Variants in ZMAT1 observed in about 807,000 individuals in gnomAD.
ZMAT1 encodes the protein zinc finger matrin-type protein 1.
A neutral mutation model predicts 18.5 loss-of-function variants in ZMAT1; 11 were observed. That is an observed-to-expected ratio of 0.59 (90% CI 0.37 to 0.98). The LOEUF (loss-of-function observed/expected upper bound fraction) is 0.98, where lower values mean the gene tolerates loss of function less well. Among genes scored for constraint, ZMAT1 ranks in the 50% least tolerant of loss-of-function variants. ZMAT1 has a pLI of 0.01. For synonymous variants in ZMAT1, 211 were observed against 176.4 expected (o/e 1.20, Z -1.55); for missense variants, 525 against 496.2 (o/e 1.06, Z -0.55).
Position 101,931,959 on chromosome X carries a change from G to C in ZMAT1, c.50C>G (p.Pro17Arg). Residue 17 changes from proline to arginine, a missense_variant, in exon 1 of 6, where the codon CCT (proline) becomes CGT (arginine). Transcript: ENST00000651725. ...GGCGGCAGAGACGGTAGCTTCCTGAGGGGAAGACTCCGCCGCCAGCGGGGT... is the reference window on the plus strand; with the variant it reads ...GGCGGCAGAGACGGTAGCTTCCTGACGGGAAGACTCCGCCGCCAGCGGGGT... ...TVTPLAAESS[P>R]QEATVSAASS... is the part of the protein sequence containing the mutation. The C allele has an allele frequency of 5.2e-6, 4 of 773,760 alleles. No homozygotes were observed. The highest frequency in any genetic ancestry group is 6.1e-6 in the Non-Finnish European group (4 of 652,417). The allele number at this position is 773,760 out of a possible 1,213,427, so 63.8% of individuals were successfully genotyped here. A position where few individuals can be genotyped will look rare whatever the true frequency, so the allele number is the denominator to read the frequency against.
chrX:101,930,561 G>T (rs185556377), intron 1 of ZMAT1, among the ~76,000 whole-genome samples: 78 of 112,317 alleles, frequency 6.9e-4, no homozygotes, highest in African/African-American at 2.4e-3. Context: ...AGAATGTGAA[G>T]AAGAGATTAT....
intron 1 of ZMAT1, among the ~76,000 whole-genome samples, chrX:101,923,126 C>G (rs953556702): frequency 8.9e-6 from 1 of 112,108 alleles, no homozygotes; most frequent in Non-Finnish European, 1.9e-5. Context: ...GCATCTTCCT[C>G]TCTTCTCTTC....
rs760388375 is a variant in ZMAT1, at chrX:101,882,684, T to C, written c.*826A>G. The C allele has an allele frequency of 9.0e-6, 1 of 111,573 alleles. No individual in the cohort carries two copies. The highest frequency in any genetic ancestry group is 1.9e-5 in the Non-Finnish European group (1 of 52,928). 9.2% of individuals were successfully genotyped at this position (111,573 alleles called of 1,213,427 possible). On this transcript the variant is annotated 3_prime_UTR_variant, in exon 6 of 6. Transcript: ENST00000651725. ...ATGAGCAGAAGTAGAGACAACTTCA[T>C]TTAGGGAAATTACATTATATGTGAG...
At chrX:101,915,833 G>A (rs765258930) in intron 1 of ZMAT1, 1 of 112,294 alleles carries the variant, frequency 8.9e-6, no homozygotes, top group African/African-American at 3.2e-5. Flanking sequence ...AGACAGTGCA[G>A]TGATTCTTAA....
At chrX:101,885,430 A>T (rs1926862191) in intron 5 of ZMAT1, among the ~76,000 whole-genome samples, 1 of 110,906 alleles carries the variant, frequency 9.0e-6, no homozygotes, top group South Asian at 3.9e-4. Context: ...CTGAGGCTGA[A>T]GCAGGAGGAT....
chrX:101,894,898 A>T, intron 4 of ZMAT1: 1 of 753,102 alleles, frequency 1.3e-6, no homozygotes, highest in Non-Finnish European at 1.6e-6. Flanking sequence ...TAGTAGTGAG[A>T]AGGTGCCTGT....
chrX:101,929,866 C>T (rs1458074891), intron 1 of ZMAT1, among the ~76,000 whole-genome samples: 1 of 111,343 alleles, frequency 9.0e-6, no homozygotes, highest in East Asian at 2.8e-4. Flanking sequence ...CTGAAATCAA[C>T]CCTCGGAGTG....
At chrX:101,906,472 G>A (rs1409405965) in intron 1 of ZMAT1, among the ~76,000 whole-genome samples, 1 of 110,775 alleles carries the variant, frequency 9.0e-6, no homozygotes, top group African/African-American at 3.3e-5. Flanking sequence ...CACAGACTGA[G>A]CCTCCAGTCC....
chrX:101,929,492 G>A (rs1414532595), intron 1 of ZMAT1, among the ~76,000 whole-genome samples: 4 of 44,814 alleles, frequency 8.9e-5, no homozygotes, highest in Admixed American at 2.2e-4. Flanking sequence ...GAGAGAGAGA[G>A]ACACACAAAT....
chrX:101,897,813 C>T, intron 4 of ZMAT1, 55 bp downstream of exon 4: 1 of 1,105,263 alleles, frequency 9.0e-7, no homozygotes, highest in Non-Finnish European at 1.2e-6. Flanking sequence ...CAGAGTTAGA[C>T]AAAACATGAT....
intron 4 of ZMAT1, 130 bp downstream of exon 4, chrX:101,897,738 G>A: frequency 1.9e-6 from 1 of 526,767 alleles, no homozygotes; most frequent in Middle Eastern, 4.6e-4. Context: ...GATTAACTGG[G>A]AAGAAGAATA....
At chrX:101,923,256 T>C (rs1343328176) in intron 1 of ZMAT1, among the ~76,000 whole-genome samples, 1 of 111,898 alleles carries the variant, frequency 8.9e-6, no homozygotes, top group Non-Finnish European at 1.9e-5. Context: ...ATAGTAAGAG[T>C]TGTAAAAAGC....
At chrX:101,886,979 T>C (rs1180241326) in intron 4 of ZMAT1, 1 of 228,836 alleles carries the variant, frequency 4.4e-6, no homozygotes, top group African/African-American at 2.9e-5. Context: ...ACTGCTTCTC[T>C]AGCTTAACTT....
intron 2 of ZMAT1, among the ~76,000 whole-genome samples, chrX:101,903,290 G>A (rs952195287): frequency 9.0e-6 from 1 of 111,523 alleles, no homozygotes; most frequent in South Asian, 3.7e-4. Flanking sequence ...CAAGAAACAT[G>A]CTCAGAAAGG....
chrX:101,909,014 T>C (rs1780605538), intron 1 of ZMAT1, among the ~76,000 whole-genome samples: 1 of 108,369 alleles, frequency 9.2e-6, no homozygotes, highest in Non-Finnish European at 1.9e-5. Context: ...GACCTCTTCC[T>C]TCTGCTTGAG....
At chrX:101,915,351 ATAT>A (rs767255629) in intron 1 of ZMAT1, among the ~76,000 whole-genome samples, 3 of 107,314 alleles carry the variant, frequency 2.8e-5, no homozygotes, top group Non-Finnish European at 3.9e-5. Context: ...CAAACAAAAA[ATAT>A]ATATATATAT....
intron 1 of ZMAT1, among the ~76,000 whole-genome samples, chrX:101,919,861 G>A (rs924467325): frequency 9.0e-6 from 1 of 110,559 alleles, no homozygotes; most frequent in Non-Finnish European, 1.9e-5. Context: ...TTCAACAGGC[G>A]GAAAGGAGTG....
intron 1 of ZMAT1, among the ~76,000 whole-genome samples, chrX:101,909,698 G>C (rs765242595): frequency 8.9e-6 from 1 of 112,714 alleles, no homozygotes; most frequent in Non-Finnish European, 1.9e-5. Context: ...TTTGGAAAGT[G>C]AAGGAAGGAT....
chrX:101,889,438 A>G (rs1322027195), intron 4 of ZMAT1: 2 of 111,396 alleles, frequency 1.8e-5, no homozygotes, highest in Non-Finnish European at 3.8e-5. Context: ...TCTTCCCCTA[A>G]TCATAACCCT....
Sources: allele counts gnomAD v4.1 joint callset (sites outside exome capture counted in the v4.1 genomes callset), GRCh38; gene constraint gnomAD v4.1.1; transcripts MANE v1.5; gene names NCBI Gene and HGNC (gene_info 2026-07-23, HGNC 2026-07-21).